CLSTN2: variants seen among roughly 807,000 people sequenced by gnomAD.
The protein encoded by CLSTN2 is calsyntenin-2.
A neutral mutation model predicts 101.2 loss-of-function variants in CLSTN2; 48 were observed. The observed-to-expected ratio is 0.47, with a 90% confidence interval of 0.38 to 0.60. The LOEUF (loss-of-function observed/expected upper bound fraction) is 0.60. Among genes scored for constraint, CLSTN2 ranks in the 20% least tolerant of loss-of-function variants. The pLI, the probability that CLSTN2 is intolerant of heterozygous loss-of-function variation, is 0.00. For synonymous variants in CLSTN2, 481 were observed against 463.6 expected, an observed-to-expected ratio of 1.04 and a Z score of -0.48; for missense variants, 1,160 against 1,238.2, an observed-to-expected ratio of 0.94 and a Z score of 0.95.
intron 8 of CLSTN2, among the ~76,000 whole-genome samples, chr3:140,492,590 C>T (rs73231231): frequency 0.081 from 12,266 of 152,276 alleles, 641 homozygotes; most frequent in East Asian, 0.11. Context: ...CACACAGTCA[C>T]TCACCTTACA....
chr3:140,257,847 G>T (rs1402177944), intron 2 of CLSTN2, among the ~76,000 whole-genome samples: 1 of 152,044 alleles, frequency 6.6e-6, no homozygotes, highest in Non-Finnish European at 1.5e-5. Flanking sequence ...TCAATCTCTA[G>T]TTCAGATTCT....
In CLSTN2 at chr3:140,175,996, T is replaced by C. The variant is rs769802016; in HGVS notation, c.155T>C (p.Ile52Thr). 3 of 1,613,592 alleles carry C rather than the reference T, an allele frequency of 1.9e-6. No individual in the cohort carries two copies. Among genetic ancestry groups the C allele is most frequent in the Non-Finnish European group, 2.5e-6 (3 of 1,179,578 alleles). The change falls in exon 2 of 17, where the codon ATA becomes ACA. Residue 52 changes from isoleucine (I) to threonine (T), a missense_variant. Transcript: ENST00000458420. ...ATCGAGACTTCATATCATGGAGTCA[T>C]AACTGAGAACAATGACACAGTCATT... ...PWIETSYHGV[I>T]TENNDTVILD...
At chr3:139,985,259 T>A (rs1297860524) in intron 1 of CLSTN2, among the ~76,000 whole-genome samples, 1 of 152,214 alleles carries the variant, frequency 6.6e-6, no homozygotes, top group Non-Finnish European at 1.5e-5. Flanking sequence ...TCAGCCATGA[T>A]GTGCAAGTCT....
intron 5 of CLSTN2, among the ~76,000 whole-genome samples, chr3:140,426,714 A>T (rs1263786585): frequency 2.6e-5 from 4 of 152,176 alleles, no homozygotes; most frequent in Non-Finnish European, 4.4e-5. Context: ...ACCTATGGTT[A>T]CCTGATGTTA....
intron 8 of CLSTN2, among the ~76,000 whole-genome samples, chr3:140,478,976 A>G (rs1934055736): frequency 6.6e-6 from 1 of 152,142 alleles, no homozygotes; most frequent in Admixed American, 6.6e-5. Flanking sequence ...GTTGCCAGAA[A>G]TTGAGTTAAT....
chr3:140,000,179 A>T (rs952742516), intron 1 of CLSTN2, among the ~76,000 whole-genome samples: 1 of 152,208 alleles, frequency 6.6e-6, no homozygotes, highest in Non-Finnish European at 1.5e-5. Context: ...CAGAGGCTAC[A>T]GTTTGAATTC....
chr3:140,205,722 CTA>C (rs1420071831), intron 2 of CLSTN2, among the ~76,000 whole-genome samples: 1 of 151,530 alleles, frequency 6.6e-6, no homozygotes, highest in African/African-American at 2.4e-5. Flanking sequence ...TTCCACCACT[CTA>C]TGATGATTGA....
intron 1 of CLSTN2, among the ~76,000 whole-genome samples, chr3:140,164,729 C>T (rs1459714493): frequency 1.3e-5 from 2 of 152,138 alleles, no homozygotes; most frequent in Admixed American, 6.5e-5. Context: ...TTTTCCTAGC[C>T]TTGCTCTTGG....
At chr3:140,240,164 C>A (rs1246440935) in intron 2 of CLSTN2, among the ~76,000 whole-genome samples, 6 of 18,050 alleles carry the variant, frequency 3.3e-4, no homozygotes, top group South Asian at 3.1e-3. Flanking sequence ...CTCTCTCTCT[C>A]TCTCTCTCTC....
At chr3:140,314,125 A>G (rs181023982) in intron 2 of CLSTN2, among the ~76,000 whole-genome samples, 2 of 152,312 alleles carry the variant, frequency 1.3e-5, no homozygotes, top group Admixed American at 1.3e-4. Flanking sequence ...AATCATCACA[A>G]CAATCCCATA....
At chr3:140,337,623 C>A (rs577113935) in intron 2 of CLSTN2, among the ~76,000 whole-genome samples, 167 of 152,248 alleles carry the variant, frequency 1.1e-3, no homozygotes, top group African/African-American at 3.9e-3. Flanking sequence ...CCTGAATCCG[C>A]ATGGGAGGAA....
chr3:140,338,965 G>A (rs760681372), intron 2 of CLSTN2, among the ~76,000 whole-genome samples: 11 of 152,288 alleles, frequency 7.2e-5, no homozygotes, highest in African/African-American at 1.2e-4. Flanking sequence ...TATTCCCGCC[G>A]CCTGACACAG....
At chr3:140,044,756 T>A (rs1439723327) in intron 1 of CLSTN2, among the ~76,000 whole-genome samples, 1 of 152,226 alleles carries the variant, frequency 6.6e-6, no homozygotes, top group African/African-American at 2.4e-5. Flanking sequence ...TTGAATTTTG[T>A]CGAAGGCCTT....
At chr3:140,016,333 A>G (rs1376785984) in intron 1 of CLSTN2, among the ~76,000 whole-genome samples, 1 of 152,220 alleles carries the variant, frequency 6.6e-6, no homozygotes, top group Non-Finnish European at 1.5e-5. Flanking sequence ...TATACATTCA[A>G]TTTAATAGGA....
At chr3:140,037,854 T>C (rs2007686135) in intron 1 of CLSTN2, among the ~76,000 whole-genome samples, 1 of 152,222 alleles carries the variant, frequency 6.6e-6, no homozygotes, top group Admixed American at 6.5e-5. Context: ...AATCTATCCA[T>C]GTGCCTCCAA....
chr3:140,188,319 G>A (rs986684728), intron 2 of CLSTN2, among the ~76,000 whole-genome samples: 1 of 152,302 alleles, frequency 6.6e-6, no homozygotes, highest in South Asian at 2.1e-4. Context: ...TTATCCTTAT[G>A]TCCTAGCACA....
In CLSTN2 at chr3:140,179,686, C is replaced by T. The variant is rs901026021; in HGVS notation, c.232+3613C>T. ...TTATACCTCATTTTGAATACTATAC[C>T]TTATTTTTTCACATTAATGAAAATT... On this transcript the variant is annotated intron_variant, in intron 2 of 16. Transcript: ENST00000458420. Among the ~76,000 whole-genome samples the T allele has an allele frequency of 1.1e-4, 16 of 140,082 alleles. 1 individual carries two copies. The highest frequency in any genetic ancestry group is 1.1e-3 in the Admixed American group (15 of 13,546). The allele number at this position is 140,082 out of a possible 152,430, so 91.9% of individuals were successfully genotyped here. A position where few individuals can be genotyped will look rare whatever the true frequency, so the allele number is the denominator to read the frequency against.
intron 9 of CLSTN2, among the ~76,000 whole-genome samples, chr3:140,545,148 A>T (rs1043313598): frequency 2.6e-5 from 4 of 152,168 alleles, no homozygotes; most frequent in Non-Finnish European, 5.9e-5. Flanking sequence ...AGCACCCCAG[A>T]AAAAGCCAGC....
chr3:140,131,234 A>T (rs1272680856), intron 1 of CLSTN2, among the ~76,000 whole-genome samples: 1 of 151,438 alleles, frequency 6.6e-6, no homozygotes, highest in Non-Finnish European at 1.5e-5. Context: ...TTGGGTTCTT[A>T]TGATACCATT....
Sources: gnomAD v4.1 joint callset for allele counts (sites outside exome capture counted in the v4.1 genomes callset) on GRCh38, gnomAD v4.1.1 for gene constraint, MANE v1.5 for transcripts, NCBI Gene and HGNC (gene_info 2026-07-23, HGNC 2026-07-21) for gene names.